The following PSD3 variants were observed in gnomAD, a reference collection of about 807,000 sequenced individuals.
PSD3 encodes the protein pleckstrin and Sec7 domain containing 3, also known as PH and SEC7 domain-containing protein 3.
A neutral mutation model predicts 105.5 loss-of-function variants in PSD3; 49 were observed. That is an observed-to-expected ratio of 0.46 (90% CI 0.37 to 0.59). The LOEUF (loss-of-function observed/expected upper bound fraction) is 0.59, where lower values mean the gene tolerates loss of function less well. Among genes scored for constraint, PSD3 ranks in the 20% least tolerant of loss-of-function variants. The probability of loss-of-function intolerance (pLI) is 0.00; values close to 1 mark genes in which losing one functional copy is unlikely to be tolerated. For synonymous variants in PSD3, 557 were observed against 457.8 expected (o/e 1.22, Z -2.77); for missense variants, 1,561 against 1,263.8 (o/e 1.24, Z -3.57).
chr8:18,548,728 C>T (rs1452251459), intron 15 of PSD3, among the ~76,000 whole-genome samples: 1 of 152,124 alleles, frequency 6.6e-6, no homozygotes, highest in Non-Finnish European at 1.5e-5. Context: ...TTGCTATCTG[C>T]AGTGCATGCA....
chr8:19,009,505 G>A (rs1001592991), intron 1 of PSD3, among the ~76,000 whole-genome samples: 2 of 152,128 alleles, frequency 1.3e-5, no homozygotes, highest in Non-Finnish European at 2.9e-5. Flanking sequence ...GAATAAGGGA[G>A]ACAACCCAAG....
intron 11 of PSD3, among the ~76,000 whole-genome samples, chr8:18,628,646 T>C (rs193002895): frequency 3.3e-5 from 5 of 151,996 alleles, no homozygotes; most frequent in East Asian, 1.9e-4. Context: ...TTTTAGAACA[T>C]AGAATTAAAA....
At chr8:18,980,892 C>T (rs947336306) in intron 1 of PSD3, among the ~76,000 whole-genome samples, 1 of 152,192 alleles carries the variant, frequency 6.6e-6, no homozygotes, top group African/African-American at 2.4e-5. Context: ...GTTCCCTGAA[C>T]TCTTTTCACA....
At chr8:18,556,382 T>TA in intron 14 of PSD3, 30 bp from the exon 15 acceptor site, 4 of 1,563,864 alleles carry the variant, frequency 2.6e-6, no homozygotes, top group African/African-American at 3.0e-5. Flanking sequence ...CATTTAGCGT[T>TA]CAAAAAAAAA....
chr8:18,735,903 T>A (rs770192503), intron 9 of PSD3, among the ~76,000 whole-genome samples: 2 of 152,066 alleles, frequency 1.3e-5, no homozygotes, highest in Admixed American at 6.5e-5. Context: ...TGAACAAAGA[T>A]TGTCAAGCAG....
intron 9 of PSD3, among the ~76,000 whole-genome samples, chr8:18,658,998 C>T (rs1000672401): frequency 6.6e-6 from 1 of 152,162 alleles, no homozygotes; most frequent in African/African-American, 2.4e-5. Flanking sequence ...TTTCTCCCAG[C>T]TCCAGTATGA....
At chr8:18,784,430 C>A (rs559930787) in intron 8 of PSD3, among the ~76,000 whole-genome samples, 2 of 152,114 alleles carry the variant, frequency 1.3e-5, no homozygotes, top group Non-Finnish European at 2.9e-5. Context: ...CCAGGAGACA[C>A]CAGTTGGGTG....
chr8:18,634,896 T>A (rs1807149030), intron 10 of PSD3, among the ~76,000 whole-genome samples: 1 of 152,142 alleles, frequency 6.6e-6, no homozygotes, highest in Non-Finnish European at 1.5e-5. Context: ...GTAAGTGTTT[T>A]TGGGGAGATA....
intron 1 of PSD3, among the ~76,000 whole-genome samples, chr8:19,003,625 T>C (rs1043631446): frequency 2.0e-5 from 3 of 151,744 alleles, no homozygotes; most frequent in Non-Finnish European, 4.4e-5. Flanking sequence ...GAGCACATTT[T>C]AAAAGAGGAG....
chr8:18,919,887 T>C (rs1196031477), intron 2 of PSD3, among the ~76,000 whole-genome samples: 1 of 146,952 alleles, frequency 6.8e-6, no homozygotes, highest in Non-Finnish European at 1.5e-5. Flanking sequence ...CATTGGGAGA[T>C]ATACCTAATG....
chr8:19,027,253 C>A (rs1038024629), intron 1 of PSD3, among the ~76,000 whole-genome samples: 1 of 152,070 alleles, frequency 6.6e-6, no homozygotes, highest in Non-Finnish European at 1.5e-5. Flanking sequence ...AAAAGACTCT[C>A]ATTCTGGACA....
intron 2 of PSD3, among the ~76,000 whole-genome samples, chr8:18,906,366 G>C (rs1030570273): frequency 6.6e-6 from 1 of 152,108 alleles, no homozygotes; most frequent in African/African-American, 2.4e-5. Flanking sequence ...AATAAGATGT[G>C]GCCGTGTTTT....
chr8:18,620,278 T>C (rs1400243249), intron 11 of PSD3, among the ~76,000 whole-genome samples: 1 of 151,992 alleles, frequency 6.6e-6, no homozygotes, highest in Admixed American at 6.6e-5. Context: ...CTCCATAAAA[T>C]GTATAAAACC....
chr8:18,969,133 T>C (rs1824474289), intron 1 of PSD3, among the ~76,000 whole-genome samples: 1 of 152,200 alleles, frequency 6.6e-6, no homozygotes, highest in Non-Finnish European at 1.5e-5. Flanking sequence ...AAACATTTCT[T>C]GAGGGGAAGG....
At chr8:18,697,025 T>TTGAGCCCAGGGGCC (rs1554473508) in intron 9 of PSD3, among the ~76,000 whole-genome samples, 2 of 151,136 alleles carry the variant, frequency 1.3e-5, no homozygotes, top group Non-Finnish European at 2.9e-5. Flanking sequence ...GGAGGATCAC[T>TTGAGCCCAGGGGCC]TGAGCCCAGG....
At chr8:18,746,478 G>A (rs140867468) in intron 9 of PSD3, among the ~76,000 whole-genome samples, 1 of 152,280 alleles carries the variant, frequency 6.6e-6, no homozygotes, top group Non-Finnish European at 1.5e-5. Context: ...ACACAGGTAA[G>A]CTGGGGCACA....
chr8:18,648,362 T>A (rs999105889), intron 10 of PSD3, among the ~76,000 whole-genome samples: 5 of 152,034 alleles, frequency 3.3e-5, no homozygotes, highest in Non-Finnish European at 5.9e-5. Flanking sequence ...GCAAAGGTTA[T>A]GTTTGTTATG....
At chr8:18,684,106 C>T (rs1272847425) in intron 9 of PSD3, 1 of 545,664 alleles carries the variant, frequency 1.8e-6, no homozygotes, top group Non-Finnish European at 3.3e-6. Context: ...CTTCAACTAC[C>T]CTGTTTGCAG....
intron 9 of PSD3, chr8:18,730,411 T>C (rs1803656286): frequency 6.6e-6 from 1 of 152,218 alleles, no homozygotes; most frequent in Non-Finnish European, 1.5e-5. Flanking sequence ...TAGCTTTGAC[T>C]TGTCATTGTG....
Sources: allele counts gnomAD v4.1 joint callset (sites outside exome capture counted in the v4.1 genomes callset), GRCh38; gene constraint gnomAD v4.1.1; transcripts MANE v1.5; gene names NCBI Gene and HGNC (gene_info 2026-07-23, HGNC 2026-07-21).